Variants in INTS8 observed in about 807,000 individuals in gnomAD.
INTS8 encodes the protein protein kaonashi-1.
INTS8 carries 47 observed loss-of-function variants against 138.9 expected under a neutral mutation model. The observed-to-expected ratio is 0.34, with a 90% CI of 0.27 to 0.43. The LOEUF is 0.43. Ranked by LOEUF, INTS8 falls within the 20% of genes least tolerant of loss-of-function variation. The pLI, the probability that INTS8 is intolerant of heterozygous loss-of-function variation, is 1.00. For missense variants in INTS8, 996 were observed against 1,173.0 expected (o/e 0.85, Z 2.20); for synonymous variants, 392 against 400.9 (o/e 0.98, Z 0.27).
At chr8:94,866,421 G>A in intron 18 of INTS8, 3 of 494,550 alleles carry the variant, frequency 6.1e-6, no homozygotes, top group South Asian at 3.8e-5. Context: ...GCTTTCTGAG[G>A]AACTGGGACT....
chr8:94,857,489 A>G (rs1463915600), intron 15 of INTS8, among the ~76,000 whole-genome samples: 1 of 152,214 alleles, frequency 6.6e-6, no homozygotes, highest in African/African-American at 2.4e-5. Flanking sequence ...GATTTCTGTA[A>G]CAAGGTACCA....
chr8:94,849,927 T>A lies in INTS8; in HGVS notation c.1343T>A (p.Leu448Gln), dbSNP rs1815469259. 6.2e-7 allele frequency: 1 copy of A among 1,610,118 alleles called. No individual in the cohort carries two copies. Among genetic ancestry groups the A allele is most frequent in the African/African-American group, 1.3e-5 (1 of 74,818 alleles). ...NMAAFLKNVC[L>Q]GLEDLQYVFM... Reference sequence around the variant, plus strand: ...TCTTACTGATCTAGGAATGTGTGTCTGGGGTTGGAAGATCTGCAGTATGTT... The same window carrying A: ...TCTTACTGATCTAGGAATGTGTGTCAGGGGTTGGAAGATCTGCAGTATGTT... Residue 448 changes from leucine (L) to glutamine (Q), a missense_variant, in exon 12 of 27, where the codon CTG becomes CAG. Coordinates refer to ENST00000523731, the MANE Select transcript of INTS8 (RefSeq NM_017864.4).
At position 94,823,467 on chromosome 8, in the gene INTS8, C is replaced by T; in HGVS notation, c.36C>T (p.Thr12=). The stretch of plus-strand genomic sequence containing the variant: ...AGGCGGCGGACCGGGAGGCGGCCAC[C>T]TCCAGCCGGCCCTGCACCCCGCCGC... The part of the protein sequence containing the change: ...SAEAADREAA[T]SSRPCTPPQT... Residue 12 remains threonine (T), a synonymous_variant, in exon 1 of 27, where the codon ACC becomes ACT. Coordinates refer to ENST00000523731, the MANE Select transcript of INTS8 (RefSeq NM_017864.4). 4.5e-6 allele frequency: 7 copies of T among 1,546,944 alleles called. No homozygotes were observed. The highest frequency in any genetic ancestry group is 2.4e-5 in the East Asian group (1 of 40,946).
chr8:94,873,275 G>T, intron 21 of INTS8, 99 bp from the exon 22 acceptor site: 3 of 830,368 alleles, frequency 3.6e-6, no homozygotes, highest in Non-Finnish European at 2.1e-6. Context: ...GTTTGAATCT[G>T]CTTTTGTTAA....
At chr8:94,857,037 A>T (rs1398164124) in intron 15 of INTS8, 59 bp downstream of exon 15, 9 of 1,274,638 alleles carry the variant, frequency 7.1e-6, no homozygotes, top group Non-Finnish European at 1.1e-6. Flanking sequence ...ATTGTGGGGG[A>T]AAATTTAAAA....
At chr8:94,827,548 T>G (rs888623272) in intron 3 of INTS8, 145 bp downstream of exon 3, 27 of 1,137,044 alleles carry the variant, frequency 2.4e-5, no homozygotes, top group Non-Finnish European at 3.8e-6. Flanking sequence ...TGGAGAAAAT[T>G]TGTGACTGCA....
chr8:94,878,058 A>G (rs1816626538), intron 26 of INTS8, among the ~76,000 whole-genome samples: 1 of 152,182 alleles, frequency 6.6e-6, no homozygotes, highest in Admixed American at 6.5e-5. Context: ...CTCTTGATCA[A>G]TATTTTTAGC....
At chr8:94,860,113 A>T (rs1450219540) in intron 16 of INTS8, 1 of 153,758 alleles carries the variant, frequency 6.5e-6, no homozygotes, top group African/African-American at 2.4e-5. Flanking sequence ...GCACTAAGTT[A>T]TTTTGTTGTC....
intron 16 of INTS8, among the ~76,000 whole-genome samples, chr8:94,861,791 T>C (rs1189147106): frequency 6.6e-6 from 1 of 151,858 alleles, no homozygotes; most frequent in Non-Finnish European, 1.5e-5. Context: ...CCTCAGGTGA[T>C]CCGCCCACCT....
At chr8:94,868,669 TCTTTTCTTTTC>T (rs1353512991) in intron 20 of INTS8, 4 of 146,180 alleles carry the variant, frequency 2.7e-5, no homozygotes, top group African/African-American at 1.0e-4. Context: ...TTTTCTTTTC[TCTTTTCTTTTC>T]TTTTTTTTTA....
chr8:94,845,796 G>A (rs529320004), intron 10 of INTS8, among the ~76,000 whole-genome samples: 1 of 152,242 alleles, frequency 6.6e-6, no homozygotes, highest in African/African-American at 2.4e-5. Flanking sequence ...ATTAGACTCA[G>A]ATTGTCAAGT....
chr8:94,857,871 C>A (rs1815811012), intron 15 of INTS8, among the ~76,000 whole-genome samples: 1 of 152,196 alleles, frequency 6.6e-6, no homozygotes, highest in Non-Finnish European at 1.5e-5. Flanking sequence ...TTGGGGGATA[C>A]TTCTACACAC....
chr8:94,869,556 G>C (rs1816312445), intron 20 of INTS8, among the ~76,000 whole-genome samples: 1 of 151,746 alleles, frequency 6.6e-6, no homozygotes, highest in South Asian at 2.1e-4. Flanking sequence ...GCAGTGGCAT[G>C]ATCTCAGCTC....
At chr8:94,877,757 T>C (rs1816614813) in intron 26 of INTS8, among the ~76,000 whole-genome samples, 1 of 152,322 alleles carries the variant, frequency 6.6e-6, no homozygotes, top group Middle Eastern at 3.4e-3. Context: ...ACAATTGTTC[T>C]GTTAGATCTT....
intron 12 of INTS8, 87 bp downstream of exon 12, chr8:94,850,178 CTT>C: frequency 2.2e-6 from 2 of 914,826 alleles, no homozygotes; most frequent in Non-Finnish European, 1.7e-6. Context: ...AGGATTCTCT[CTT>C]GTTTTAATTA....
At chr8:94,827,973 T>TA (rs1358534292) in intron 4 of INTS8, among the ~76,000 whole-genome samples, 180 bp downstream of exon 4, 1 of 152,054 alleles carries the variant, frequency 6.6e-6, no homozygotes, top group Non-Finnish European at 1.5e-5. Flanking sequence ...ATGTGCTAGA[T>TA]ACAGAGTTCT....
chr8:94,868,608 TCTG>T (rs1816269078), intron 20 of INTS8: 1 of 152,232 alleles, frequency 6.6e-6, no homozygotes, highest in Non-Finnish European at 1.5e-5. Flanking sequence ...TTATATAAAA[TCTG>T]TTGTTAGATA....
At chr8:94,827,095 ACT>A (rs1379833600) in intron 2 of INTS8, among the ~76,000 whole-genome samples, 166 bp from the exon 3 acceptor site, 2 of 151,972 alleles carry the variant, frequency 1.3e-5, no homozygotes, top group Admixed American at 6.6e-5. Context: ...ACAGAGCGAG[ACT>A]CTGTCTCAAA....
chr8:94,827,694 A>C, intron 3 of INTS8, 28 bp from the exon 4 acceptor site: 1 of 1,574,288 alleles, frequency 6.4e-7, no homozygotes, highest in South Asian at 1.1e-5. Flanking sequence ...TAATGTATGA[A>C]ATTTTCTTTT....
Sources: gnomAD v4.1 joint callset for allele counts (sites outside exome capture counted in the v4.1 genomes callset) on GRCh38, gnomAD v4.1.1 for gene constraint, MANE v1.5 for transcripts, NCBI Gene and HGNC (gene_info 2026-07-23, HGNC 2026-07-21) for gene names.